Variants in PRRG1 observed in about 807,000 individuals in gnomAD.
The protein encoded by PRRG1 is proline rich and Gla domain 1, also known as transmembrane gamma-carboxyglutamic acid protein 1.
PRRG1 carries 5 observed loss-of-function variants against 11.8 expected under a neutral mutation model. That is an observed-to-expected ratio of 0.42 (90% CI 0.22 to 0.89). The LOEUF (loss-of-function observed/expected upper bound fraction) is 0.89, where lower values mean the gene tolerates loss of function less well. PRRG1 is among the 40% of genes least tolerant of loss of function. PRRG1 has a pLI of 0.28. For missense variants in PRRG1, 155 were observed against 166.1 expected, an observed-to-expected ratio of 0.93 and a Z score of 0.37; for synonymous variants, 66 against 60.4, an observed-to-expected ratio of 1.09 and a Z score of -0.43.
intron 3 of PRRG1, among the ~76,000 whole-genome samples, chrX:37,427,427 C>T (rs1556388767): frequency 2.7e-5 from 3 of 111,739 alleles, no homozygotes; most frequent in African/African-American, 9.8e-5. Context: ...TTCCTCTCAC[C>T]CCTTTATTAT....
At chrX:37,425,393 C>T (rs782513330) in intron 2 of PRRG1, among the ~76,000 whole-genome samples, 1 of 111,051 alleles carries the variant, frequency 9.0e-6, no homozygotes, top group Non-Finnish European at 1.9e-5. Context: ...AGTTAGAGCT[C>T]TCTGGGTTTA....
intron 2 of PRRG1, among the ~76,000 whole-genome samples, chrX:37,408,442 GC>G (rs1320932174): frequency 9.0e-6 from 1 of 111,616 alleles, no homozygotes; most frequent in Non-Finnish European, 1.9e-5. Flanking sequence ...TCCCACCCTA[GC>G]GTTTTAATGT....
chrX:37,432,441 C>G (rs1364486085), intron 3 of PRRG1, among the ~76,000 whole-genome samples: 1 of 111,607 alleles, frequency 9.0e-6, no homozygotes, highest in African/African-American at 3.3e-5. Context: ...CTCAGTGCTT[C>G]TATATATCAT....
Position 37,407,264 on chromosome X carries a change from C to A in PRRG1, c.10+1005C>A, listed in dbSNP as rs781887292. Among the ~76,000 whole-genome samples the A allele has an allele frequency of 3.6e-5, 4 of 109,781 alleles. No homozygotes were observed. In the South Asian group the frequency reaches 1.5e-3, roughly 42 times the overall value. ...GGTCTGGCCTCTGGTCTTTGCTATT[C>A]ATTTACAAAACAATAGCAATGAGGA... On this transcript the variant is annotated intron_variant, in intron 2 of 3. Transcript: ENST00000378628.
intron 1 of PRRG1, among the ~76,000 whole-genome samples, chrX:37,352,084 A>G (rs1930084993): frequency 8.9e-6 from 1 of 112,307 alleles, no homozygotes; most frequent in African/African-American, 3.2e-5. Flanking sequence ...AACAGGAATT[A>G]TCTTCCCCCT....
At chrX:37,391,834 T>C in intron 1 of PRRG1, among the ~76,000 whole-genome samples, 1 of 112,568 alleles carries the variant, frequency 8.9e-6, no homozygotes, top group Middle Eastern at 4.6e-3. Context: ...TAGATGGTTG[T>C]ACCATTATCT....
chrX:37,421,827 T>C (rs1425146209), intron 2 of PRRG1, among the ~76,000 whole-genome samples: 1 of 112,127 alleles, frequency 8.9e-6, no homozygotes, highest in Admixed American at 9.5e-5. Context: ...CTACTTCCTG[T>C]TCCCTAATAA....
chrX:37,376,570 T>C (rs1930964643), intron 1 of PRRG1, among the ~76,000 whole-genome samples: 1 of 82,463 alleles, frequency 1.2e-5, no homozygotes, highest in Non-Finnish European at 2.4e-5. Context: ...TATATATATA[T>C]ATGTGCTGAG....
chrX:37,402,505 C>T (rs1202509894), intron 1 of PRRG1, among the ~76,000 whole-genome samples: 6 of 111,373 alleles, frequency 5.4e-5, no homozygotes, highest in Non-Finnish European at 9.4e-5. Flanking sequence ...AAGACTTAAA[C>T]GTTAGACCTA....
chrX:37,413,426 A>G lies in PRRG1; in HGVS notation c.10+7167A>G, dbSNP rs190016686. Among the ~76,000 whole-genome samples the G allele has an allele frequency of 2.7e-5, 3 of 111,330 alleles. No individual in the cohort carries two copies. In the East Asian group the frequency reaches 8.5e-4, roughly 31 times the overall value. ...CTTCTCAGATTGGCTTCTTTCACTT[A>G]GTATTATGCATTTAGGATTCTTTCA... On this transcript the variant is annotated intron_variant, in intron 2 of 3. Transcript: ENST00000378628.
intron 1 of PRRG1, among the ~76,000 whole-genome samples, chrX:37,394,331 G>A (rs1224470046): frequency 3.6e-5 from 4 of 111,936 alleles, no homozygotes; most frequent in Non-Finnish European, 7.5e-5. Flanking sequence ...ACCACGAGGA[G>A]GGAATGAACT....
intron 1 of PRRG1, among the ~76,000 whole-genome samples, chrX:37,375,924 G>A (rs1432250291): frequency 6.3e-5 from 7 of 111,512 alleles, no homozygotes; most frequent in Non-Finnish European, 1.3e-4. Flanking sequence ...CCTGATACTG[G>A]TTCTGGAGTT....
In PRRG1 at chrX:37,456,888, C is replaced by T. The variant is rs1321236033; in HGVS notation, c.*3267C>T. The T allele has an allele frequency of 8.9e-6, 1 of 112,240 alleles. No individual in the cohort carries two copies. Among genetic ancestry groups the T allele is most frequent in the Admixed American group, 9.4e-5 (1 of 10,595 alleles). 9.2% of individuals were successfully genotyped at this position (112,240 alleles called of 1,213,427 possible). On this transcript the variant is annotated 3_prime_UTR_variant, in exon 4 of 4. Coordinates refer to ENST00000378628, the MANE Select transcript of PRRG1 (RefSeq NM_001142395.2). The stretch of plus-strand genomic sequence containing the variant: ...TAAATAAAAGAACAGGCTCAGTGGT[C>T]TTCCTGTAGAATGGTTTACATGCCT...
At chrX:37,372,239 T>C (rs1930784927) in intron 1 of PRRG1, among the ~76,000 whole-genome samples, 1 of 112,328 alleles carries the variant, frequency 8.9e-6, no homozygotes, top group Non-Finnish European at 1.9e-5. Context: ...AGCATTTTTT[T>C]ATATACTTGT....
chrX:37,429,769 C>G (rs781971693), intron 3 of PRRG1, among the ~76,000 whole-genome samples: 1 of 111,628 alleles, frequency 9.0e-6, no homozygotes. Context: ...TTGTATTAGT[C>G]GTTTTTACAC....
intron 1 of PRRG1, among the ~76,000 whole-genome samples, chrX:37,391,385 C>CA (rs1483845844): frequency 2.8e-5 from 3 of 108,396 alleles, no homozygotes; most frequent in African/African-American, 6.8e-5. Context: ...AAGAAAGAAG[C>CA]AGAAAAAAAA....
chrX:37,390,702 C>T (rs2146554100), intron 1 of PRRG1, among the ~76,000 whole-genome samples: 1 of 112,041 alleles, frequency 8.9e-6, no homozygotes, highest in Non-Finnish European at 1.9e-5. Flanking sequence ...CCAGGATCGT[C>T]TTCTTCAGGG....
In PRRG1 at chrX:37,421,660, C is replaced by T. The variant is rs185611448; in HGVS notation, c.11-4180C>T. On this transcript the variant is annotated intron_variant, in intron 2 of 3. Transcript: ENST00000378628. ...GCCACCTTCTCCCTTATTTTGTTTT[C>T]GCATTTTAAAAAATTCTAATTTTAG... Among the ~76,000 whole-genome samples the T allele has an allele frequency of 3.5e-3, 391 of 111,949 alleles. 2 individuals carry two copies. Among genetic ancestry groups the T allele is most frequent in the Non-Finnish European group, 6.2e-3 (327 of 53,145 alleles).
intron 2 of PRRG1, among the ~76,000 whole-genome samples, chrX:37,422,236 A>C (rs782209035): frequency 8.9e-6 from 1 of 112,124 alleles, no homozygotes; most frequent in South Asian, 3.7e-4. Flanking sequence ...AAAATACATT[A>C]ATGTTGATTG....
Sources: allele counts gnomAD v4.1 joint callset (sites outside exome capture counted in the v4.1 genomes callset), GRCh38; gene constraint gnomAD v4.1.1; transcripts MANE v1.5; gene names NCBI Gene and HGNC (gene_info 2026-07-23, HGNC 2026-07-21).